Variants in SOX6 observed in about 807,000 individuals in gnomAD.
SOX6 encodes the protein transcription factor SOX-6.
SOX6 carries 11 observed loss-of-function variants against 97.8 expected under a neutral mutation model. That is an observed-to-expected ratio of 0.11 (90% CI 0.07 to 0.19). The LOEUF (loss-of-function observed/expected upper bound fraction) is 0.19. Ranked by LOEUF, SOX6 falls within the 10% of genes least tolerant of loss-of-function variation. SOX6 has a pLI of 1.00. For missense variants in SOX6, 810 were observed against 1,039.5 expected, an observed-to-expected ratio of 0.78 and a Z score of 3.04; for synonymous variants, 360 against 371.4, an observed-to-expected ratio of 0.97 and a Z score of 0.35.
At chr11:16,147,483 C>G (rs1850341045) in intron 6 of SOX6, among the ~76,000 whole-genome samples, 1 of 152,014 alleles carries the variant, frequency 6.6e-6, no homozygotes, top group South Asian at 2.1e-4. Context: ...CACATGTACC[C>G]TAGAACTTAA....
At chr11:16,525,667 C>A (rs1405852246) in intron 4 of SOX6, among the ~76,000 whole-genome samples, 28 of 151,378 alleles carry the variant, frequency 1.8e-4, no homozygotes, top group East Asian at 7.8e-4. Flanking sequence ...CTGCACAGCA[C>A]AAGAAACTAC....
At chr11:16,686,165 C>A (rs1254512081) in intron 3 of SOX6, among the ~76,000 whole-genome samples, 2 of 152,222 alleles carry the variant, frequency 1.3e-5, no homozygotes, top group African/African-American at 4.8e-5. Flanking sequence ...GCCTTCAAGG[C>A]CTTTTCCTAA....
intron 6 of SOX6, among the ~76,000 whole-genome samples, chr11:16,118,979 TAG>T (rs1849421708): frequency 6.6e-6 from 1 of 151,886 alleles, no homozygotes; most frequent in East Asian, 1.9e-4. Flanking sequence ...AGAGAGAAAA[TAG>T]AGAGTTCAGA....
At chr11:16,582,150 C>A (rs906123681) in intron 4 of SOX6, among the ~76,000 whole-genome samples, 2 of 151,882 alleles carry the variant, frequency 1.3e-5, no homozygotes, top group African/African-American at 4.8e-5. Flanking sequence ...TAAATACCAG[C>A]GACTACCTGG....
At chr11:16,409,002 C>A (rs576420352) in intron 1 of SOX6, 1 of 152,120 alleles carries the variant, frequency 6.6e-6, no homozygotes, top group Non-Finnish European at 1.5e-5. Context: ...GGTACATAAA[C>A]AGACTAAAGT....
At chr11:16,008,057 T>C (rs1384245550) in intron 13 of SOX6, among the ~76,000 whole-genome samples, 1 of 152,096 alleles carries the variant, frequency 6.6e-6, no homozygotes, top group Non-Finnish European at 1.5e-5. Flanking sequence ...TTATATAAAA[T>C]GGTGTAGTCC....
intron 4 of SOX6, among the ~76,000 whole-genome samples, chr11:16,211,777 C>A (rs894973611): frequency 1.3e-5 from 2 of 152,120 alleles, no homozygotes; most frequent in African/African-American, 4.8e-5. Context: ...AGGGAAATCA[C>A]TAACATGGTG....
At chr11:16,026,999 G>C (rs753052399) in intron 12 of SOX6, among the ~76,000 whole-genome samples, 6 of 152,066 alleles carry the variant, frequency 3.9e-5, no homozygotes, top group Non-Finnish European at 7.4e-5. Flanking sequence ...CAAAGATGTG[G>C]GAGAACTGAT....
At chr11:16,163,404 G>T (rs1480860663) in intron 6 of SOX6, among the ~76,000 whole-genome samples, 5 of 152,080 alleles carry the variant, frequency 3.3e-5, no homozygotes, top group Admixed American at 6.6e-5. Context: ...TATTTAAAGG[G>T]ATAACAAAAT....
At chr11:16,114,289 C>A (rs1374806778) in intron 6 of SOX6, among the ~76,000 whole-genome samples, 3 of 152,138 alleles carry the variant, frequency 2.0e-5, no homozygotes, top group African/African-American at 7.2e-5. Context: ...AAAGTCTGAA[C>A]TCAAATCTAT....
At chr11:16,322,812 A>G (rs1271391168) in intron 2 of SOX6, among the ~76,000 whole-genome samples, 20 of 152,218 alleles carry the variant, frequency 1.3e-4, no homozygotes, top group Non-Finnish European at 1.5e-5. Context: ...GAACAATGAT[A>G]TAAATGTGTT....
At chr11:16,186,987 C>G in intron 4 of SOX6, 32 bp from the exon 5 acceptor site, 1 of 1,612,596 alleles carries the variant, frequency 6.2e-7, no homozygotes, top group Non-Finnish European at 8.5e-7. Flanking sequence ...ATCTCACAAG[C>G]TTGAGAAATA....
Position 16,139,898 on chromosome 11 carries a change from C to T in SOX6, c.778-27975G>A, listed in dbSNP as rs1850082092. On this transcript the variant is annotated intron_variant, in intron 6 of 15. Transcript: ENST00000683767. The stretch of plus-strand genomic sequence containing the variant: ...TACCACAGAGTTTATTCTTATTTTC[C>T]TTCATTTCATATTTGTAACTCTTTT... Among the ~76,000 whole-genome samples the T allele has an allele frequency of 3.4e-5, 5 of 148,228 alleles. No individual in the cohort carries two copies. The South Asian group carries it at 8.4e-4, about 25-fold the overall frequency.
intron 4 of SOX6, among the ~76,000 whole-genome samples, chr11:16,200,951 T>C (rs989613369): frequency 2.0e-5 from 3 of 151,728 alleles, no homozygotes; most frequent in African/African-American, 4.8e-5. Context: ...ACTAAAAATA[T>C]ATACATATAT....
At chr11:16,245,433 A>G (rs2134191249) in intron 3 of SOX6, among the ~76,000 whole-genome samples, 1 of 151,812 alleles carries the variant, frequency 6.6e-6, no homozygotes, top group African/African-American at 2.4e-5. Flanking sequence ...TAGCAACATC[A>G]GTTAGGTTAA....
chr11:16,187,824 A>G (rs935097672), intron 4 of SOX6, among the ~76,000 whole-genome samples: 1 of 152,162 alleles, frequency 6.6e-6, no homozygotes, highest in Non-Finnish European at 1.5e-5. Context: ...GTGAATCTAA[A>G]TTAGAGCATT....
chr11:16,064,289 T>C (rs1436954787), intron 9 of SOX6, among the ~76,000 whole-genome samples: 1 of 151,618 alleles, frequency 6.6e-6, no homozygotes, highest in Non-Finnish European at 1.5e-5. Flanking sequence ...TTGGGACCAG[T>C]ATGCTCCAGT....
chr11:16,219,749 G>A (rs142474571), intron 4 of SOX6, among the ~76,000 whole-genome samples: 120 of 152,114 alleles, frequency 7.9e-4, no homozygotes, highest in Non-Finnish European at 1.5e-3. Flanking sequence ...TACTAAGTAT[G>A]TAGGAGGTCT....
At chr11:16,437,364 T>C (rs1178140814) in intron 1 of SOX6, among the ~76,000 whole-genome samples, 1 of 151,964 alleles carries the variant, frequency 6.6e-6, no homozygotes, top group Non-Finnish European at 1.5e-5. Flanking sequence ...TTACAGTCAG[T>C]ATATATTTTC....
Sources: allele counts gnomAD v4.1 joint callset (sites outside exome capture counted in the v4.1 genomes callset), GRCh38; gene constraint gnomAD v4.1.1; transcripts MANE v1.5; gene names NCBI Gene and HGNC (gene_info 2026-07-23, HGNC 2026-07-21).